Variants in ARHGEF10 observed in about 807,000 individuals in gnomAD.
ARHGEF10 encodes Rho guanine nucleotide exchange factor 10.
A neutral mutation model predicts 147.4 loss-of-function variants in ARHGEF10; 140 were observed. The observed-to-expected ratio is 0.95, with a 90% CI of 0.83 to 1.09. The LOEUF is 1.09. Among genes scored for constraint, ARHGEF10 ranks in the 50% least tolerant of loss-of-function variants. The pLI, the probability that ARHGEF10 is intolerant of heterozygous loss-of-function variation, is 0.00. For missense variants in ARHGEF10, 2,222 were observed against 1,752.7 expected (o/e 1.27, Z -4.78); for synonymous variants, 902 against 695.8 (o/e 1.30, Z -4.67).
chr8:1,897,367 C>G (rs928914292), intron 14 of ARHGEF10, among the ~76,000 whole-genome samples: 18 of 150,178 alleles, frequency 1.2e-4, no homozygotes, highest in African/African-American at 4.4e-4. Flanking sequence ...CAGCTGTGAG[C>G]TCTGTCCTAA....
chr8:1,832,911 GACAGAGGC>G (rs1803283992), intron 1 of ARHGEF10, among the ~76,000 whole-genome samples: 1 of 124,862 alleles, frequency 8.0e-6, no homozygotes, highest in African/African-American at 3.1e-5. Context: ...CAGAGAGACA[GACAGAGGC>G]AGAGACAGAG....
intron 8 of ARHGEF10, 131 bp from the exon 9 acceptor site, chr8:1,879,917 C>T (rs1808036821): frequency 5.2e-6 from 4 of 769,158 alleles, no homozygotes; most frequent in African/African-American, 3.4e-5. Context: ...CGCGTGTGGT[C>T]CCAGAAGCCC....
At chr8:1,939,307 C>G (rs904179887) in intron 26 of ARHGEF10, among the ~76,000 whole-genome samples, 1 of 152,206 alleles carries the variant, frequency 6.6e-6, no homozygotes, top group African/African-American at 2.4e-5. Context: ...AATCTGTCCT[C>G]CAGAAGAAAC....
chr8:1,827,901 T>A (rs1802860611), intron 1 of ARHGEF10, among the ~76,000 whole-genome samples: 1 of 152,138 alleles, frequency 6.6e-6, no homozygotes, highest in Non-Finnish European at 1.5e-5. Flanking sequence ...GAGGGAGCGA[T>A]GGGGAAGCAT....
At chr8:1,887,292 A>G (rs1808747704) in intron 11 of ARHGEF10, among the ~76,000 whole-genome samples, 1 of 152,274 alleles carries the variant, frequency 6.6e-6, no homozygotes, top group South Asian at 2.1e-4. Context: ...CAGGAGTGTG[A>G]GTGACTCAGG....
At chr8:1,849,713 GTGGC>G (rs1804876710) in intron 2 of ARHGEF10, among the ~76,000 whole-genome samples, 1 of 142,518 alleles carries the variant, frequency 7.0e-6, no homozygotes. Context: ...AGGGCATGGG[GTGGC>G]CACGTGGTCA....
intron 17 of ARHGEF10, among the ~76,000 whole-genome samples, chr8:1,907,097 G>A (rs536949943): frequency 7.4e-4 from 112 of 152,278 alleles, no homozygotes; most frequent in African/African-American, 2.5e-3. Flanking sequence ...GTGGGAGGTC[G>A]CAGCTGGAGA....
intron 2 of ARHGEF10, among the ~76,000 whole-genome samples, chr8:1,856,144 A>G (rs778470925): frequency 2.0e-5 from 3 of 152,344 alleles, no homozygotes; most frequent in East Asian, 1.9e-4. Context: ...AGGCTTTGGT[A>G]TCTGGGCAGA....
At chr8:1,897,195 G>A (rs1046431083) in intron 14 of ARHGEF10, among the ~76,000 whole-genome samples, 1 of 152,222 alleles carries the variant, frequency 6.6e-6, no homozygotes, top group African/African-American at 2.4e-5. Context: ...TACCTGGAGC[G>A]AGTGAACACA....
intron 11 of ARHGEF10, among the ~76,000 whole-genome samples, chr8:1,887,670 G>A (rs955338683): frequency 6.6e-6 from 1 of 150,460 alleles, no homozygotes; most frequent in Non-Finnish European, 1.5e-5. Flanking sequence ...GACACTGAGT[G>A]CAATGTGAGG....
rs893150513 is a variant in ARHGEF10, at chr8:1,910,255, G to C, written c.2143+785G>C. 1.1e-4 allele frequency among the ~76,000 whole-genome samples: 17 copies of C among 152,152 alleles called. 1 individual carries two copies. Among genetic ancestry groups the C allele is most frequent in the Admixed American group, 9.2e-4 (14 of 15,280 alleles). Reference sequence around the variant, plus strand: ...TTTCAGATTATTTTGTTTCTGACATGTTCAGAAGCAAGGAAACCACGTGAG... The same window carrying C: ...TTTCAGATTATTTTGTTTCTGACATCTTCAGAAGCAAGGAAACCACGTGAG... On this transcript the variant is annotated intron_variant, in intron 18 of 28. Transcript: ENST00000349830.
At chr8:1,873,525 C>A (rs1231290153) in intron 7 of ARHGEF10, among the ~76,000 whole-genome samples, 2 of 131,428 alleles carry the variant, frequency 1.5e-5, no homozygotes, top group Non-Finnish European at 3.3e-5. Context: ...GAGGCGCCCG[C>A]GGGGTAGTGC....
At chr8:1,830,362 CG>C (rs912359004) in intron 1 of ARHGEF10, among the ~76,000 whole-genome samples, 2 of 152,158 alleles carry the variant, frequency 1.3e-5, no homozygotes, top group Non-Finnish European at 1.5e-5. Flanking sequence ...CAGGAGCCTC[CG>C]GGGGCCGTGC....
At chr8:1,872,779 A>C (rs1312544727) in intron 7 of ARHGEF10, among the ~76,000 whole-genome samples, 1 of 152,170 alleles carries the variant, frequency 6.6e-6, no homozygotes, top group African/African-American at 2.4e-5. Flanking sequence ...GCGTTCGTTA[A>C]TTTATTCATT....
In ARHGEF10 at chr8:1,948,310, C is replaced by G. The variant is rs6989286; in HGVS notation, c.3397+2655C>G. Reference sequence around the variant, plus strand: ...TCGTGGGTCTTTACTTATTCCTACACGACATAGTCAGGTCTGCATTTTAGA... The same window carrying G: ...TCGTGGGTCTTTACTTATTCCTACAGGACATAGTCAGGTCTGCATTTTAGA... On this transcript the variant is annotated intron_variant, in intron 27 of 28. Transcript: ENST00000349830. The surrounding 1 kb of genome is among the most constrained non-coding windows in gnomAD (Gnocchi z 4.9). 6.6e-6 allele frequency among the ~76,000 whole-genome samples: 1 copy of G among 152,150 alleles called. No homozygotes were observed. The highest frequency in any genetic ancestry group is 1.5e-5 in the Non-Finnish European group (1 of 68,030).
At chr8:1,898,645 C>A (rs192067689) in intron 15 of ARHGEF10, 120 bp downstream of exon 15, 3 of 1,011,768 alleles carry the variant, frequency 3.0e-6, no homozygotes, top group South Asian at 1.4e-5. Flanking sequence ...CATCTCCTCT[C>A]TAGGCAGTTA....
intron 24 of ARHGEF10, 98 bp from the exon 25 acceptor site, chr8:1,929,188 G>T (rs1812915883): frequency 7.4e-7 from 1 of 1,346,132 alleles, no homozygotes; most frequent in South Asian, 1.2e-5. Context: ...GGAAGGGCAA[G>T]AGGGAAGAGT....
intron 8 of ARHGEF10, among the ~76,000 whole-genome samples, chr8:1,877,431 T>G (rs1807802659): frequency 6.6e-6 from 1 of 152,230 alleles, no homozygotes; most frequent in Non-Finnish European, 1.5e-5. Flanking sequence ...TTTCCCTATG[T>G]TGGCCAGGCT....
chr8:1,895,889 G>T (rs1041682700), intron 13 of ARHGEF10, among the ~76,000 whole-genome samples: 1 of 151,940 alleles, frequency 6.6e-6, no homozygotes, highest in Non-Finnish European at 1.5e-5. Flanking sequence ...AGAGAAGCAG[G>T]ATCAGCCCCC....
Sources: gnomAD v4.1 joint callset for allele counts (sites outside exome capture counted in the v4.1 genomes callset) on GRCh38, gnomAD v4.1.1 for gene constraint, Gnocchi (gnomAD v3.1) non-coding constraint, MANE v1.5 for transcripts, NCBI Gene and HGNC (gene_info 2026-07-23, HGNC 2026-07-21) for gene names.